STAG3: variants seen among roughly 807,000 people sequenced by gnomAD.
The protein encoded by STAG3 is STAG3 cohesin complex component, also known as cohesin subunit SA-3.
In STAG3, 101 loss-of-function variants were observed where a neutral mutation model predicts 160.7. The observed-to-expected ratio is 0.63, with a 90% confidence interval of 0.54 to 0.74. The LOEUF is 0.74. Among genes scored for constraint, STAG3 ranks in the 30% least tolerant of loss-of-function variants. STAG3 has a pLI of 0.00. For missense variants in STAG3, 1,188 were observed against 1,517.4 expected (o/e 0.78, Z 3.61); for synonymous variants, 519 against 585.0 (o/e 0.89, Z 1.63).
At chr7:100,177,826 AG>A (rs1799364825), upstream of STAG3, 1 of 152,388 alleles carries the variant, frequency 6.6e-6, no homozygotes, top group Non-Finnish European at 1.5e-5. Flanking sequence ...GGCGCGCATC[AG>A]CTCGCACACT....
chr7:100,198,364 G>GT (rs2117266167), intron 12 of STAG3, 111 bp from the exon 13 acceptor site: 4 of 1,314,752 alleles, frequency 3.0e-6, no homozygotes, highest in African/African-American at 1.4e-5. Context: ...TCATTTAGAA[G>GT]TTTTTTGTGA....
At chr7:100,200,080 A>AAG (rs576994142) in intron 16 of STAG3, 156 bp from the exon 17 acceptor site, 1 of 581,248 alleles carries the variant, frequency 1.7e-6, no homozygotes, top group South Asian at 2.4e-5. Context: ...AAAAAAAAAA[A>AAG]AAGGAGTTTC....
intron 25 of STAG3, 113 bp from the exon 26 acceptor site, chr7:100,203,908 A>G (rs1176569998): frequency 1.5e-6 from 1 of 671,184 alleles, no homozygotes; most frequent in African/African-American, 1.8e-5. Flanking sequence ...GCTTCAGTTC[A>G]TGTTTCCTAC....
chr7:100,182,980 G>T, intron 4 of STAG3, 141 bp downstream of exon 4: 1 of 972,514 alleles, frequency 1.0e-6, no homozygotes. Flanking sequence ...GTGAATCCTT[G>T]GAGTGATAGA....
At chr7:100,182,684 G>GT (rs200019153) in intron 3 of STAG3, 39 bp from the exon 4 acceptor site, 1,748 of 1,451,584 alleles carry the variant, frequency 1.2e-3, no homozygotes, top group Middle Eastern at 2.5e-3. Flanking sequence ...TACCTTTTTT[G>GT]TTTTTTTTTC....
At chr7:100,211,328 C>T in intron 30 of STAG3, 107 bp from the exon 31 acceptor site, 1 of 1,481,806 alleles carries the variant, frequency 6.7e-7, no homozygotes, top group Non-Finnish European at 9.3e-7. Context: ...CATTGTTTAG[C>T]TTTAAAATGC....
At chr7:100,180,219 AATG>A (rs1252556203) in intron 1 of STAG3, among the ~76,000 whole-genome samples, 2 of 151,652 alleles carry the variant, frequency 1.3e-5, no homozygotes, top group Non-Finnish European at 2.9e-5. Flanking sequence ...ACACCTGACT[AATG>A]ATTATTATTA....
At chr7:100,218,771 G>A (rs183418879), downstream of STAG3, 175 of 278,134 alleles carry the variant, frequency 6.3e-4, 1 homozygote, top group African/African-American at 3.4e-3. Flanking sequence ...CATAGACATC[G>A]TGAGGTCTTC....
At chr7:100,210,984 T>G in intron 29 of STAG3, 27 bp from the exon 30 acceptor site, 2 of 1,606,628 alleles carry the variant, frequency 1.2e-6, no homozygotes, top group Non-Finnish European at 1.7e-6. Context: ...CCCTGGGCTG[T>G]GGTTAATGTA....
rs28411964 is a variant in STAG3 at position 100,197,425 on chromosome 7, T to A, written c.1065+146T>A. On this transcript the variant is annotated intron_variant, in intron 10 of 33. Transcript: ENST00000615138. ...AAGGCGCTGAACCTTGAAATTCCCC[T>A]AGCACTGGGGAGAGTAGGATAAGGT... The A allele has an allele frequency of 1.4e-4, 159 of 1,120,774 alleles. No homozygotes were observed. In the African/African-American group the frequency reaches 2.2e-3, roughly 16 times the overall value. 69.4% of individuals were successfully genotyped at this position (1,120,774 alleles called of 1,614,324 possible). A position where few individuals can be genotyped will look rare whatever the true frequency, so the allele number is the denominator to read the frequency against.
chr7:100,180,786 A>T (rs1170891019), intron 2 of STAG3, 114 bp downstream of exon 2: 1 of 703,366 alleles, frequency 1.4e-6, no homozygotes, highest in Non-Finnish European at 2.6e-6. Flanking sequence ...CAGAAGTGCT[A>T]TACTCGTTCA....
In STAG3 at chr7:100,200,949, G is replaced by T; in HGVS notation, c.2041G>T (p.Glu681Ter). Residue 681 changes from glutamate (E) to a stop codon, truncating the protein, a stop_gained, in exon 19 of 34, where the codon GAG becomes TAG. Coordinates refer to ENST00000615138, the MANE Select transcript of STAG3 (RefSeq NM_001282717.2). LOFTEE classifies it high-confidence loss of function. Reference sequence around the variant, plus strand: ...TTTGCTGACTGACCGCTTCCAGCAGGAGCTTGAAGAGCTGTTACAGGTAGG... The same window carrying T: ...TTTGCTGACTGACCGCTTCCAGCAGTAGCTTGAAGAGCTGTTACAGGTAGG... ...VDLLTDRFQQ[E>*]LEELLQSSFL... 1 of 1,614,234 alleles carries T rather than the reference G, an allele frequency of 6.2e-7. No individual in the cohort carries two copies. Among genetic ancestry groups the T allele is most frequent in the South Asian group, 1.1e-5 (1 of 91,072 alleles).
In STAG3 at chr7:100,202,222, T is replaced by C. The variant is rs1043915; in HGVS notation, c.2445T>C (p.Ile815=). ...DLLLIFSPQM[I]VGGRDFLRPL... Reference sequence around the variant, plus strand: ...TTCTCATCTTTAGCCCTCAGATGATTGTTGGGGGCCGTGATTTCCTTAGGC... The same window carrying C: ...TTCTCATCTTTAGCCCTCAGATGATCGTTGGGGGCCGTGATTTCCTTAGGC... The change falls in exon 24 of 34, where the codon ATT becomes ATC. Residue 815 remains isoleucine (I), a synonymous_variant. Coordinates refer to ENST00000615138, the MANE Select transcript of STAG3 (RefSeq NM_001282717.2). 3.7e-6 allele frequency: 6 copies of C among 1,613,800 alleles called. No individual in the cohort carries two copies. The highest frequency in any genetic ancestry group is 1.1e-5 in the South Asian group (1 of 91,068).
rs1233988832 is a variant in STAG3, at chr7:100,201,354, G to A, written c.2220+3G>A. 8 of 1,613,864 alleles carry A rather than the reference G, an allele frequency of 5.0e-6. 1 individual carries two copies. The highest frequency in any genetic ancestry group is 4.4e-5 in the South Asian group (4 of 91,076). On this transcript the variant is annotated splice_donor_region_variant and intron_variant, in intron 21 of 33. Coordinates refer to ENST00000615138, the MANE Select transcript of STAG3 (RefSeq NM_001282717.2). ...ACACAGGAGAGGTTCCTCACCAGGTGAGTGGACAGGCTAGAGATGGGTTGG... is the reference window on the plus strand; with the variant it reads ...ACACAGGAGAGGTTCCTCACCAGGTAAGTGGACAGGCTAGAGATGGGTTGG...
chr7:100,189,703 T>C (rs1310490270), intron 8 of STAG3, 107 bp downstream of exon 8: 26 of 1,327,586 alleles, frequency 2.0e-5, no homozygotes, highest in Non-Finnish European at 2.6e-5. Context: ...TCATGAATAA[T>C]GGAGTCTGGC....
chr7:100,205,979 A>G (rs750636130), intron 29 of STAG3, among the ~76,000 whole-genome samples: 15 of 152,046 alleles, frequency 9.9e-5, no homozygotes, highest in Non-Finnish European at 1.6e-4. Context: ...CCTTCAGATC[A>G]CCTGTTGTCT....
rs1271771486 is a variant in STAG3, at chr7:100,180,418, G to C, written c.-64-75G>C. The C allele has an allele frequency of 7.8e-5, 51 of 653,642 alleles. 1 individual carries two copies. Among genetic ancestry groups the C allele is most frequent in the Non-Finnish European group, 1.2e-4 (44 of 362,386 alleles). The allele number at this position is 653,642 out of a possible 1,614,324, so 40.5% of individuals were successfully genotyped here. On this transcript the variant is annotated intron_variant, in intron 1 of 33. Transcript: ENST00000615138. The stretch of plus-strand genomic sequence containing the variant: ...CCAGAGTTCTAGAACCATTCCCTTG[G>C]AAAGAAAGGGACTGGTCAGGGCTGG...
chr7:100,182,873 T>C, intron 4 of STAG3, 34 bp downstream of exon 4: 1 of 1,612,530 alleles, frequency 6.2e-7, no homozygotes, highest in East Asian at 2.2e-5. Context: ...TGATACCATC[T>C]CACTTTTTGT....
intron 17 of STAG3, 25 bp from the exon 18 acceptor site, chr7:100,200,428 G>C (rs1254780446): frequency 6.2e-7 from 1 of 1,613,748 alleles, no homozygotes; most frequent in African/African-American, 1.3e-5. Context: ...AGCTTGTAAG[G>C]AGGCCTCCCT....
Sources: allele counts gnomAD v4.1 joint callset (sites outside exome capture counted in the v4.1 genomes callset), GRCh38; gene constraint gnomAD v4.1.1; transcripts MANE v1.5; gene names NCBI Gene and HGNC (gene_info 2026-07-23, HGNC 2026-07-21).